REV3L: variants seen among roughly 807,000 people sequenced by gnomAD.
REV3L encodes DNA polymerase zeta catalytic subunit.
REV3L carries 69 observed loss-of-function variants against 299.4 expected under a neutral mutation model. That is an observed-to-expected ratio of 0.23 (90% CI 0.19 to 0.28). REV3L has a LOEUF of 0.28. REV3L is among the 10% of genes least tolerant of loss of function. The pLI, the probability that REV3L is intolerant of heterozygous loss-of-function variation, is 1.00. For missense variants in REV3L, 3,128 were observed against 3,693.8 expected (o/e 0.85, Z 3.97); for synonymous variants, 1,238 against 1,271.4 (o/e 0.97, Z 0.56).
intron 26 of REV3L, among the ~76,000 whole-genome samples, chr6:111,321,523 C>A (rs1470159255): frequency 3.3e-5 from 5 of 152,058 alleles, no homozygotes; most frequent in Non-Finnish European, 5.9e-5. Flanking sequence ...ATAACCAAAG[C>A]CAAACTAAGA....
intron 9 of REV3L, among the ~76,000 whole-genome samples, chr6:111,381,773 T>C (rs192426327): frequency 1.3e-5 from 2 of 152,318 alleles, no homozygotes; most frequent in Admixed American, 1.3e-4. Context: ...ACTATCTTAT[T>C]TGAATACTAA....
chr6:111,373,161 T>G lies in REV3L; in HGVS notation c.5194A>C (p.Thr1732Pro), dbSNP rs375798406. The G allele has an allele frequency of 6.2e-7, 1 of 1,614,070 alleles. No homozygotes were observed. The highest frequency in any genetic ancestry group is 8.5e-7 in the Non-Finnish European group (1 of 1,180,024). Reference protein sequence around the residue: ...TLSPEIFEKSTIDSNENRRHN... With the variant: ...TLSPEIFEKSPIDSNENRRHN... ...CGACGATTCTCATTGCTATCTATGG[T>G]TGACTTCTCAAAAATTTCAGGACTT... is the stretch of plus-strand genomic sequence containing the variant. The change falls in exon 13 of 32, where the codon ACC (threonine) becomes CCC (proline). Residue 1732 changes from threonine to proline, a missense_variant. Transcript: ENST00000368802.
intron 4 of REV3L, among the ~76,000 whole-genome samples, chr6:111,403,268 T>C (rs904233361): frequency 5.9e-5 from 9 of 152,312 alleles, no homozygotes; most frequent in Non-Finnish European, 1.0e-4. Context: ...CTACAGGTCA[T>C]AGGATTTCTT....
rs551884340 is a variant in REV3L at position 111,399,665 on chromosome 6, T to C, written c.565+5805A>G. ...TTGGGTTTGTCTGATGTTTTTCTCA[T>C]GAGTAGACTGGGGTTACGAGTTTTT... is the stretch of plus-strand genomic sequence containing the variant. On this transcript the variant is annotated intron_variant, in intron 4 of 31. Coordinates refer to ENST00000368802, the MANE Select transcript of REV3L (RefSeq NM_001372078.1). Among the ~76,000 whole-genome samples the C allele has an allele frequency of 5.9e-5, 9 of 152,302 alleles. No homozygotes were observed. The South Asian group carries it at 1.7e-3, about 28-fold the overall frequency.
Position 111,373,044 on chromosome 6 carries a change from G to C in REV3L, c.5311C>G (p.Leu1771Val). ...CTATTCAATCTAGATTTTTCACTTA[G>C]ACAGTCTTCTGCCTGCTGAACACAG... ...SFCVQQAEDC[L>V]SEKSRLNRSS... is the part of the protein sequence containing the mutation. The change falls in exon 13 of 32, where the codon CTA becomes GTA. Residue 1771 changes from leucine (L) to valine (V), a missense_variant. Physicochemically the swap from Leu to Val is conservative, Grantham distance 32. Around this residue, in one of 9 missense-constraint regions of REV3L, gnomAD observed 2,409 missense variants for 2,611.8 expected, o/e 0.92. Coordinates refer to ENST00000368802, the MANE Select transcript of REV3L (RefSeq NM_001372078.1). The C allele has an allele frequency of 6.2e-7, 1 of 1,614,078 alleles. No homozygotes were observed. The highest frequency in any genetic ancestry group is 8.5e-7 in the Non-Finnish European group (1 of 1,179,996).
intron 2 of REV3L, among the ~76,000 whole-genome samples, chr6:111,414,569 A>T (rs992422976): frequency 1.3e-5 from 2 of 152,184 alleles, no homozygotes; most frequent in Non-Finnish European, 2.9e-5. Flanking sequence ...AAGGAAATTC[A>T]ATTAAAATGA....
At chr6:111,430,482 G>C (rs560840841) in intron 1 of REV3L, 1 of 1,547,298 alleles carries the variant, frequency 6.5e-7, no homozygotes, top group African/African-American at 1.4e-5. Flanking sequence ...TTATTATAAA[G>C]CTGCAAAGAA....
chr6:111,333,452 T>C, intron 22 of REV3L, 85 bp from the exon 23 acceptor site: 1 of 1,504,356 alleles, frequency 6.6e-7, no homozygotes, highest in South Asian at 1.3e-5. Context: ...GAGGATAATC[T>C]GCTTTTCAGA....
Position 111,482,944 on chromosome 6 carries a change from AGCGGCGGCGGCTCCCTCC to A in REV3L, c.-74_-57del, listed in dbSNP as rs1007383532. 2.2e-5 allele frequency: 32 copies of A among 1,461,448 alleles called. No individual in the cohort carries two copies. The African/African-American group carries it at 3.7e-4, about 17-fold the overall frequency. The allele number at this position is 1,461,448 out of a possible 1,614,324, so 90.5% of individuals were successfully genotyped here. Reference sequence around the variant, plus strand: ...CTGGCGACCCGGCAGCGGCAGCAGCAGCGGCGGCGGCTCCCTCCGCAGCGGCGGCGGCGCCCCCTCCCC... The same window carrying A: ...CTGGCGACCCGGCAGCGGCAGCAGCAGCAGCGGCGGCGGCGCCCCCTCCCC... On this transcript the variant is annotated 5_prime_UTR_variant, in exon 1 of 32. Coordinates refer to ENST00000368802, the MANE Select transcript of REV3L (RefSeq NM_001372078.1).
chr6:111,426,473 G>A (rs1177676860), intron 1 of REV3L, among the ~76,000 whole-genome samples: 2 of 152,120 alleles, frequency 1.3e-5, no homozygotes, highest in African/African-American at 4.8e-5. Context: ...TATGCCAGAG[G>A]TTGCAATTTT....
At chr6:111,351,466 C>T (rs1339692497) in intron 19 of REV3L, among the ~76,000 whole-genome samples, 1 of 152,154 alleles carries the variant, frequency 6.6e-6, no homozygotes, top group East Asian at 1.9e-4. Flanking sequence ...AACCCAACAA[C>T]TATACTAACA....
intron 20 of REV3L, among the ~76,000 whole-genome samples, chr6:111,345,605 C>CA (rs1776943396): frequency 6.6e-6 from 1 of 152,108 alleles, no homozygotes; most frequent in Non-Finnish European, 1.5e-5. Flanking sequence ...GTACTCCCTC[C>CA]AAAATCTCAT....
chr6:111,322,394 A>C (rs1774282113), intron 26 of REV3L, among the ~76,000 whole-genome samples, 175 bp downstream of exon 26: 1 of 152,130 alleles, frequency 6.6e-6, no homozygotes, highest in Non-Finnish European at 1.5e-5. Context: ...ACTGTCTCTT[A>C]CGATCCTATC....
At chr6:111,448,053 C>T (rs1789063367) in intron 1 of REV3L, among the ~76,000 whole-genome samples, 2 of 152,204 alleles carry the variant, frequency 1.3e-5, no homozygotes, top group African/African-American at 4.8e-5. Flanking sequence ...ACTCTGTTCA[C>T]CCAAGATATG....
chr6:111,384,989 C>T (rs901869282), intron 9 of REV3L, among the ~76,000 whole-genome samples: 21 of 152,162 alleles, frequency 1.4e-4, no homozygotes, highest in Admixed American at 2.6e-4. Flanking sequence ...ATGTGAAATA[C>T]GCCAGGCACA....
chr6:111,359,032 T>C lies in REV3L; in HGVS notation c.6880-18A>G, dbSNP rs750556704. 7 of 1,580,602 alleles carry C rather than the reference T, an allele frequency of 4.4e-6. No homozygotes were observed. In the East Asian group the frequency reaches 9.0e-5, roughly 20 times the overall value. ...TTTTGTATCTATAAAAGCAAATAAATACTATGTTTTTAAAACATTTTTTAA... is the reference window on the plus strand; with the variant it reads ...TTTTGTATCTATAAAAGCAAATAAACACTATGTTTTTAAAACATTTTTTAA... On this transcript the variant is annotated intron_variant, in intron 16 of 31. Coordinates refer to ENST00000368802, the MANE Select transcript of REV3L (RefSeq NM_001372078.1).
At chr6:111,465,081 A>G (rs1052799109) in intron 1 of REV3L, among the ~76,000 whole-genome samples, 1 of 132,002 alleles carries the variant, frequency 7.6e-6, no homozygotes, top group Non-Finnish European at 1.7e-5. Context: ...AGTTATTTTT[A>G]TTTGTTTTTT....
intron 4 of REV3L, among the ~76,000 whole-genome samples, chr6:111,399,558 T>C (rs1337781921): frequency 6.6e-6 from 1 of 152,190 alleles, no homozygotes; most frequent in Non-Finnish European, 1.5e-5. Flanking sequence ...TCTCCTCTGG[T>C]CTATTTATCT....
intron 1 of REV3L, among the ~76,000 whole-genome samples, chr6:111,437,685 G>A (rs181818841): frequency 3.4e-3 from 511 of 152,228 alleles, no homozygotes; most frequent in Non-Finnish European, 5.1e-3. Flanking sequence ...CTGGGGCTTA[G>A]GGAATTGGTG....
Sources: gnomAD v4.1 joint callset for allele counts (sites outside exome capture counted in the v4.1 genomes callset) on GRCh38, gnomAD v4.1.1 for gene constraint, gnomAD v4.1.1 regional missense constraint, MANE v1.5 for transcripts, NCBI Gene and HGNC (gene_info 2026-07-23, HGNC 2026-07-21) for gene names.